CELF2: variants seen among roughly 807,000 people sequenced by gnomAD.
The protein encoded by CELF2 is CUGBP Elav-like family member 2.
CELF2 carries 8 observed loss-of-function variants against 62.6 expected under a neutral mutation model. The ratio of observed to expected loss-of-function variants is 0.13; its 90% CI spans 0.07 to 0.23. CELF2 has a LOEUF of 0.23. Among genes scored for constraint, CELF2 ranks in the 10% least tolerant of loss-of-function variants. The pLI is 1.00. For synonymous variants in CELF2, 258 were observed against 250.0 expected (o/e 1.03, Z -0.30); for missense variants, 333 against 671.0 (o/e 0.50, Z 5.56).
In CELF2 at chr10:11,064,661, A is replaced by G. The variant is rs545760961; in HGVS notation, c.74+46498A>G. On this transcript the variant is annotated intron_variant, in intron 1 of 12. Coordinates refer to ENST00000633077, the MANE Select transcript of CELF2 (RefSeq NM_001326342.2). ...TCTCAATCCCCTTTTGCTTCCTCAT[A>G]CCAATCTCTTCCCCACCCCCCAAAT... is the stretch of plus-strand genomic sequence containing the variant. Among the ~76,000 whole-genome samples, 106 of 152,232 alleles carry G rather than the reference A, an allele frequency of 7.0e-4. 1 individual carries two copies. The highest frequency in any genetic ancestry group is 2.4e-3 in the African/African-American group (99 of 41,524).
chr10:11,197,798 A>G (rs1164898393), intron 2 of CELF2, among the ~76,000 whole-genome samples: 1 of 152,220 alleles, frequency 6.6e-6, no homozygotes, highest in Non-Finnish European at 1.5e-5. Flanking sequence ...GTGCTAGTAT[A>G]TATTTACTGC....
At chr10:11,228,141 A>G (rs2067250916) in intron 3 of CELF2, among the ~76,000 whole-genome samples, 1 of 152,232 alleles carries the variant, frequency 6.6e-6, no homozygotes, top group Non-Finnish European at 1.5e-5. Context: ...GGATGTTTCT[A>G]GCATATTTTG....
At chr10:10,965,600 A>G (rs890441311) in intron 2 of CELF2, among the ~76,000 whole-genome samples, 6 of 152,200 alleles carry the variant, frequency 3.9e-5, no homozygotes, top group African/African-American at 1.4e-4. Context: ...TTTGAGAATC[A>G]TTAGAACAAA....
chr10:10,606,177 C>A, the CELF2 span, among the ~76,000 whole-genome samples: 2 of 152,112 alleles, frequency 1.3e-5, no homozygotes, highest in African/African-American at 2.4e-5. Context: ...TCCTGTAAGT[C>A]CTAACTGCAA....
At chr10:11,257,336 C>CAAA (rs61363639) in intron 4 of CELF2, among the ~76,000 whole-genome samples, 34,324 of 113,710 alleles carry the variant, frequency 0.3, 5,139 homozygotes, top group East Asian at 0.48. Flanking sequence ...AGACCATCTA[C>CAAA]AAAAAAAAAA....
chr10:10,669,776 C>T, the CELF2 span, among the ~76,000 whole-genome samples: 1 of 152,280 alleles, frequency 6.6e-6, no homozygotes, highest in South Asian at 2.1e-4. Context: ...GATATTATTC[C>T]CTGTCCCTCT....
chr10:10,562,421 T>C, the CELF2 span, among the ~76,000 whole-genome samples: 2 of 152,194 alleles, frequency 1.3e-5, no homozygotes, highest in Non-Finnish European at 2.9e-5. Context: ...TTGTGTAGTG[T>C]TGTATCAATC....
the CELF2 span, among the ~76,000 whole-genome samples, chr10:10,787,308 C>G: frequency 6.6e-6 from 1 of 152,118 alleles, no homozygotes; most frequent in Non-Finnish European, 1.5e-5. Context: ...GGTTTCTAGT[C>G]CAGTAATGCT....
intron 1 of CELF2, among the ~76,000 whole-genome samples, chr10:11,068,947 C>A (rs920073961): frequency 6.6e-6 from 1 of 152,264 alleles, no homozygotes; most frequent in South Asian, 2.1e-4. Context: ...ACCTAAGACA[C>A]GTTGTGACGT....
At chr10:10,909,110 G>T (rs2063590147) in intron 1 of CELF2, among the ~76,000 whole-genome samples, 2 of 152,168 alleles carry the variant, frequency 1.3e-5, no homozygotes, top group African/African-American at 4.8e-5. Flanking sequence ...TTTTTAAAGA[G>T]AAAAATAATG....
chr10:10,672,156 G>A, the CELF2 span, among the ~76,000 whole-genome samples: 1 of 152,160 alleles, frequency 6.6e-6, no homozygotes, highest in Non-Finnish European at 1.5e-5. Context: ...TTTATCAGAT[G>A]TGTCTTTCAC....
intron 1 of CELF2, among the ~76,000 whole-genome samples, chr10:10,825,104 A>G (rs1434159944): frequency 3.9e-5 from 6 of 152,206 alleles, no homozygotes; most frequent in African/African-American, 1.4e-4. Flanking sequence ...GTTTATTTGG[A>G]GATGACTATG....
chr10:10,892,803 G>A (rs1193508325), intron 1 of CELF2, among the ~76,000 whole-genome samples: 1 of 152,284 alleles, frequency 6.6e-6, no homozygotes, highest in Admixed American at 6.5e-5. Context: ...AAGGCATTGG[G>A]TATTGACATA....
In CELF2 at chr10:11,065,707, G is replaced by A. The variant is rs535955417; in HGVS notation, c.74+47544G>A. Among the ~76,000 whole-genome samples the A allele has an allele frequency of 1.7e-3, 257 of 150,548 alleles. 2 individuals carry two copies. Among genetic ancestry groups the A allele is most frequent in the African/African-American group, 5.8e-3 (241 of 41,256 alleles). On this transcript the variant is annotated intron_variant, in intron 1 of 12. Coordinates refer to ENST00000633077, the MANE Select transcript of CELF2 (RefSeq NM_001326342.2). ...ACAAGACAGACAAACCCCACCCCCC[G>A]CCATTGCTGAGTGTGCACTCTAGTG...
intron 8 of CELF2, among the ~76,000 whole-genome samples, chr10:11,282,849 T>G (rs2089469708): frequency 6.6e-6 from 1 of 152,210 alleles, no homozygotes; most frequent in African/African-American, 2.4e-5. Context: ...TGGTGGTGAT[T>G]GCTGCTGTTA....
chr10:10,871,425 G>A (rs1026514878), intron 1 of CELF2, among the ~76,000 whole-genome samples: 5 of 152,116 alleles, frequency 3.3e-5, no homozygotes, highest in African/African-American at 1.2e-4. Context: ...CCTGTGACTT[G>A]ACGTCTGGAG....
intron 1 of CELF2, among the ~76,000 whole-genome samples, chr10:11,161,139 G>A (rs373244354): frequency 9.9e-5 from 15 of 152,248 alleles, no homozygotes; most frequent in African/African-American, 2.9e-4. Context: ...TCAGTGCCTG[G>A]GTTAAAACTA....
intron 1 of CELF2, among the ~76,000 whole-genome samples, chr10:10,847,446 C>G (rs550835872): frequency 6.6e-6 from 1 of 152,230 alleles, no homozygotes; most frequent in South Asian, 2.1e-4. Context: ...CTGGGTGGCT[C>G]CTGTGCGATA....
chr10:10,701,492 T>TA, the CELF2 span, among the ~76,000 whole-genome samples: 1 of 152,388 alleles, frequency 6.6e-6, no homozygotes, highest in African/African-American at 2.4e-5. Context: ...AAGTCTTGGT[T>TA]ACAATGCTGT....
Sources: allele counts gnomAD v4.1 joint callset (sites outside exome capture counted in the v4.1 genomes callset), GRCh38; gene constraint gnomAD v4.1.1; transcripts MANE v1.5; gene names NCBI Gene and HGNC (gene_info 2026-07-23, HGNC 2026-07-21).